BCL7C: variants seen among roughly 807,000 people sequenced by gnomAD.
The protein encoded by BCL7C is BAF chromatin remodeling complex subunit BCL7C, also known as B-cell CLL/lymphoma 7 protein family member C.
A neutral mutation model predicts 26.2 loss-of-function variants in BCL7C; 8 were observed. The ratio of observed to expected loss-of-function variants is 0.30; its 90% CI spans 0.18 to 0.55. The LOEUF (loss-of-function observed/expected upper bound fraction) is 0.55, where lower values mean the gene tolerates loss of function less well. Among genes scored for constraint, BCL7C ranks in the 20% least tolerant of loss-of-function variants. BCL7C has a pLI of 0.93. For missense variants in BCL7C, 262 were observed against 298.5 expected, an observed-to-expected ratio of 0.88 and a Z score of 0.90; for synonymous variants, 90 against 116.5, an observed-to-expected ratio of 0.77 and a Z score of 1.47.
At chr16:30,853,796 G>T (rs2054697114) in intron 5 of BCL7C, among the ~76,000 whole-genome samples, 1 of 151,890 alleles carries the variant, frequency 6.6e-6, no homozygotes, top group Admixed American at 6.6e-5. Context: ...CTCCTTATTA[G>T]TCAATTCCTC....
chr16:30,869,723 A>C (rs2054867031), intron 5 of BCL7C, among the ~76,000 whole-genome samples: 1 of 148,912 alleles, frequency 6.7e-6, no homozygotes, highest in South Asian at 2.1e-4. Context: ...ATGGTGCCCA[A>C]CCTGGTCTCC....
chr16:30,837,511 C>A (rs1360218397), intron 5 of BCL7C, among the ~76,000 whole-genome samples: 1 of 151,986 alleles, frequency 6.6e-6, no homozygotes, highest in Non-Finnish European at 1.5e-5. Flanking sequence ...CCACGCCCAG[C>A]TAATTTTTGT....
At chr16:30,839,231 G>A (rs1383976123) in intron 5 of BCL7C, among the ~76,000 whole-genome samples, 1 of 152,232 alleles carries the variant, frequency 6.6e-6, no homozygotes, top group Non-Finnish European at 1.5e-5. Context: ...GCTGACTGTG[G>A]CCTCTCTAGA....
downstream of BCL7C, among the ~76,000 whole-genome samples, chr16:30,884,557 C>T (rs1363011488): frequency 7.1e-6 from 1 of 139,964 alleles, no homozygotes; most frequent in Non-Finnish European, 1.5e-5. Flanking sequence ...AGTGCAATGG[C>T]GTGATCTTAG....
intron 5 of BCL7C, among the ~76,000 whole-genome samples, chr16:30,841,775 G>A (rs564481967): frequency 2.0e-5 from 3 of 152,050 alleles, no homozygotes; most frequent in African/African-American, 7.2e-5. Context: ...CTAACATGGT[G>A]AAACCCCATC....
At chr16:30,839,715 T>C (rs942919030) in intron 5 of BCL7C, among the ~76,000 whole-genome samples, 18 of 152,320 alleles carry the variant, frequency 1.2e-4, no homozygotes, top group South Asian at 4.1e-4. Context: ...GGATTCTTCT[T>C]CAAAGCATCT....
intron 5 of BCL7C, among the ~76,000 whole-genome samples, chr16:30,858,033 C>T (rs1040215021): frequency 2.0e-5 from 3 of 151,450 alleles, no homozygotes; most frequent in African/African-American, 4.9e-5. Flanking sequence ...TAATAGCTAG[C>T]CTTTGGTTAA....
In BCL7C at chr16:30,849,639, C is replaced by T. The variant is rs183695340; in HGVS notation, c.529-14491G>A. Among the ~76,000 whole-genome samples, 45 of 152,118 alleles carry T rather than the reference C, an allele frequency of 3.0e-4. No individual in the cohort carries two copies. In the East Asian group the frequency reaches 6.8e-3, roughly 23 times the overall value. On this transcript the variant is annotated intron_variant, in intron 5 of 5. Coordinates refer to the BCL7C transcript ENST00000380317. ...CTAATTTTTATATTTTTAGTAGAGA[C>T]GAGGTTTCACCATGTTGGCCAGGCT...
chr16:30,891,017 A>T (rs565218245), intron 4 of BCL7C, among the ~76,000 whole-genome samples: 38 of 151,830 alleles, frequency 2.5e-4, no homozygotes, highest in African/African-American at 9.2e-4. Flanking sequence ...CAAAAAAAAC[A>T]AAAATCAGCC....
chr16:30,888,981 C>A lies in BCL7C; in HGVS notation c.443-36G>T, dbSNP rs775895055. 2.5e-6 allele frequency: 4 copies of A among 1,590,608 alleles called. No homozygotes were observed. In the South Asian group the frequency reaches 4.4e-5, roughly 18 times the overall value. Reference sequence around the variant, plus strand: ...AAGGTAACAAACATCCCCTGAACAGCCACTCTGTGCCAGCAGCACAGACAG... The same window carrying A: ...AAGGTAACAAACATCCCCTGAACAGACACTCTGTGCCAGCAGCACAGACAG... On this transcript the variant is annotated intron_variant, in intron 4 of 5. Transcript: ENST00000215115.
chr16:30,885,696 G>C (rs1428827498), downstream of BCL7C, among the ~76,000 whole-genome samples: 2 of 152,058 alleles, frequency 1.3e-5, no homozygotes, highest in Non-Finnish European at 2.9e-5. Context: ...GAGCCACTGT[G>C]CCTGGCTAAT....
chr16:30,887,495 AAAAG>A (rs2055151674), downstream of BCL7C, among the ~76,000 whole-genome samples: 1 of 151,312 alleles, frequency 6.6e-6, no homozygotes, highest in Admixed American at 6.6e-5. Flanking sequence ...AAAAAAAAAA[AAAAG>A]AATCATGGCC....
chr16:30,874,432 C>G (rs187647741), intron 5 of BCL7C, among the ~76,000 whole-genome samples: 10 of 152,172 alleles, frequency 6.6e-5, no homozygotes, highest in Non-Finnish European at 1.2e-4. Flanking sequence ...GCCTGGACAA[C>G]ATAGCGAGAT....
chr16:30,865,196 A>G (rs2054814934), intron 5 of BCL7C, among the ~76,000 whole-genome samples: 2 of 149,516 alleles, frequency 1.3e-5, no homozygotes, highest in South Asian at 2.1e-4. Context: ...AAAAAAAAGT[A>G]CTTTGTAATA....
At chr16:30,892,969 G>T (rs1439141227) in intron 2 of BCL7C, 21 bp from the exon 3 acceptor site, 3 of 1,600,328 alleles carry the variant, frequency 1.9e-6, no homozygotes, top group Non-Finnish European at 2.6e-6. Flanking sequence ...GAGGATTAGG[G>T]TCAGAGCTCT....
chr16:30,876,687 C>G (rs142145084), intron 5 of BCL7C, among the ~76,000 whole-genome samples: 43 of 152,200 alleles, frequency 2.8e-4, no homozygotes, highest in Admixed American at 2.8e-3. Flanking sequence ...AACCCAAAGC[C>G]TGAGATAAGA....
At chr16:30,844,450 G>C (rs1186572982) in intron 5 of BCL7C, among the ~76,000 whole-genome samples, 1 of 151,628 alleles carries the variant, frequency 6.6e-6, no homozygotes, top group African/African-American at 2.4e-5. Flanking sequence ...GGGAACAGCA[G>C]CTACAATTGG....
intron 5 of BCL7C, among the ~76,000 whole-genome samples, chr16:30,852,844 T>C (rs539578196): frequency 2.9e-4 from 44 of 152,220 alleles, no homozygotes; most frequent in East Asian, 1.5e-3. Context: ...CATTAATAAA[T>C]GTTATTACAC....
intron 5 of BCL7C, among the ~76,000 whole-genome samples, chr16:30,858,085 AGT>A (rs1174086623): frequency 3.9e-5 from 6 of 152,000 alleles, no homozygotes; most frequent in Non-Finnish European, 8.8e-5. Context: ...AATTTTTGCC[AGT>A]GTTCTCATTG....
Sources: gnomAD v4.1 joint callset for allele counts (sites outside exome capture counted in the v4.1 genomes callset) on GRCh38, gnomAD v4.1.1 for gene constraint, MANE v1.5 for transcripts, NCBI Gene and HGNC (gene_info 2026-07-23, HGNC 2026-07-21) for gene names.